SLC12A9: variants seen among roughly 807,000 people sequenced by gnomAD.
SLC12A9 encodes the protein CCC-interacting protein 1.
SLC12A9 carries 55 observed loss-of-function variants against 66.0 expected under a neutral mutation model. The ratio of observed to expected loss-of-function variants is 0.83; its 90% CI spans 0.67 to 1.04. The LOEUF (loss-of-function observed/expected upper bound fraction) is 1.04, where lower values mean the gene tolerates loss of function less well. SLC12A9 is among the 50% of genes least tolerant of loss of function. The probability of loss-of-function intolerance (pLI) is 0.00; values close to 1 mark genes in which losing one functional copy is unlikely to be tolerated. For missense variants in SLC12A9, 1,061 were observed against 1,241.9 expected (o/e 0.85, Z 2.19); for synonymous variants, 577 against 569.0 (o/e 1.01, Z -0.20).
chr7:100,836,386 C>T (rs1813660279), intron 1 of SLC12A9, among the ~76,000 whole-genome samples: 1 of 152,024 alleles, frequency 6.6e-6, no homozygotes, highest in African/African-American at 2.4e-5. Flanking sequence ...TAGGCCGGGC[C>T]CCAGAGGAGA....
At chr7:100,854,419 G>A in intron 2 of SLC12A9, 41 bp downstream of exon 2, 2 of 1,601,424 alleles carry the variant, frequency 1.2e-6, no homozygotes, top group Non-Finnish European at 1.7e-6. Context: ...ACTATAGTAT[G>A]GGAGGACATG....
rs529816537 is a variant in SLC12A9, at chr7:100,837,744, G to A, written n.228+10697G>A. On this transcript the variant is annotated intron_variant and non_coding_transcript_variant, in intron 1 of 1. Transcript: ENST00000461016. ...CAAGGTCATACCTCATTGCAGCCTC[G>A]AACTCTTGACCTCAAGTGATCCTCC... 9.2e-5 allele frequency among the ~76,000 whole-genome samples: 14 copies of A among 152,140 alleles called. 1 individual carries two copies. Among genetic ancestry groups the A allele is most frequent in the African/African-American group, 3.4e-4 (14 of 41,494 alleles).
upstream of SLC12A9, among the ~76,000 whole-genome samples, chr7:100,848,719 C>T (rs184529476): frequency 0.013 from 1,966 of 151,528 alleles, 25 homozygotes; most frequent in African/African-American, 0.029. Flanking sequence ...ACCCCGTCTC[C>T]ACTAAAAATA....
intron 1 of SLC12A9, among the ~76,000 whole-genome samples, chr7:100,833,101 T>A (rs1813574061): frequency 1.3e-5 from 2 of 152,256 alleles, no homozygotes; most frequent in Non-Finnish European, 1.5e-5. Flanking sequence ...ATTTTATTTT[T>A]ATTTTTTGTA....
chr7:100,828,892 T>A (rs900644174), intron 1 of SLC12A9, among the ~76,000 whole-genome samples: 1 of 151,686 alleles, frequency 6.6e-6, no homozygotes, highest in Non-Finnish European at 1.5e-5. Flanking sequence ...TATGGGTTAC[T>A]GGATAGATGG....
intron 1 of SLC12A9, among the ~76,000 whole-genome samples, chr7:100,843,404 T>TA (rs1303341277): frequency 6.6e-6 from 1 of 152,214 alleles, no homozygotes; most frequent in South Asian, 2.1e-4. Context: ...CTACATCTAT[T>TA]ACAACCAACA....
chr7:100,842,470 G>T (rs766109010), intron 1 of SLC12A9, among the ~76,000 whole-genome samples: 6 of 152,174 alleles, frequency 3.9e-5, no homozygotes, highest in Non-Finnish European at 8.8e-5. Context: ...AATCCAGGGA[G>T]ATTTCGATAA....
rs1814755635 is a variant in SLC12A9, at chr7:100,861,574, T to C, written c.1526T>C (p.Leu509Pro). ...TGGGGCTATGTCAGCCAGGCCTTGC[T>C]TTTCCACCAGGTATGGGGAGCTGGT... The part of the protein sequence containing the change: ...SSWGYVSQAL[L>P]FHQVRKYLLR... Residue 509 changes from leucine to proline, a missense_variant, in exon 11 of 14, where the codon CTT becomes CCT. Leu to Pro is a moderately conservative substitution (Grantham distance 98). Coordinates refer to ENST00000354161, the MANE Select transcript of SLC12A9 (RefSeq NM_020246.4). This position sits in a 1 kb window ranked among gnomAD's most constrained non-coding sequence, Gnocchi z 5.3. 2.5e-6 allele frequency: 4 copies of C among 1,613,250 alleles called. No individual in the cohort carries two copies. Among genetic ancestry groups the C allele is most frequent in the African/African-American group, 2.7e-5 (2 of 75,014 alleles).
exon 1 of SLC12A9, chr7:100,826,902 C>A: frequency 6.6e-7 from 1 of 1,507,628 alleles, no homozygotes; most frequent in Non-Finnish European, 8.9e-7. Flanking sequence ...AGGCCGGCCC[C>A]TCCACTCCGA....
At chr7:100,829,292 G>A (rs1440436774) in intron 1 of SLC12A9, among the ~76,000 whole-genome samples, 1 of 152,080 alleles carries the variant, frequency 6.6e-6, no homozygotes. Flanking sequence ...CCAGCCGGAG[G>A]ACAGAATCTT....
Position 100,861,793 on chromosome 7 carries a change from G to A in SLC12A9, c.1593G>A (p.Arg531=). 1.9e-6 allele frequency: 3 copies of A among 1,613,964 alleles called. No individual in the cohort carries two copies. The highest frequency in any genetic ancestry group is 2.5e-6 in the Non-Finnish European group (3 of 1,179,952). The change falls in exon 12 of 14, where the codon CGG becomes CGA. Residue 531 remains arginine (R), a synonymous_variant. Transcript: ENST00000354161. The surrounding 1 kb of genome is among the most constrained non-coding windows in gnomAD (Gnocchi z 5.3). Reference sequence around the variant, plus strand: ...GGAAGGATCACGTGAAGTTCTGGCGGCCCCAGCTGCTGCTCCTGGTGGGGA... The same window carrying A: ...GGAAGGATCACGTGAAGTTCTGGCGACCCCAGCTGCTGCTCCTGGTGGGGA... ...DVRKDHVKFW[R]PQLLLLVGNP... is the part of the protein sequence containing the mutation.
rs1354712539 is a variant in SLC12A9 at position 100,845,048 on chromosome 7, C to CA, written n.229-14830dup. Reference sequence around the variant, plus strand: ...CCCAGTTCCTGATGAATTCCTGGCACAAAAAAATCACCCTGATCACTTCTA... The same window carrying CA: ...CCCAGTTCCTGATGAATTCCTGGCACAAAAAAAATCACCCTGATCACTTCTA... On this transcript the variant is annotated intron_variant and non_coding_transcript_variant, in intron 1 of 1. Transcript: ENST00000461016. 7.9e-5 allele frequency among the ~76,000 whole-genome samples: 12 copies of CA among 151,580 alleles called. No individual in the cohort carries two copies. The Admixed American group carries it at 7.9e-4, about 10-fold the overall frequency.
chr7:100,857,228 G>A (rs771284600), intron 5 of SLC12A9, 52 bp downstream of exon 5: 16 of 1,562,276 alleles, frequency 1.0e-5, no homozygotes, highest in South Asian at 4.8e-5. Context: ...GTGGGCAGAC[G>A]TCGGGCCGGG....
intron 1 of SLC12A9, among the ~76,000 whole-genome samples, chr7:100,845,152 G>A (rs574271341): frequency 1.5e-4 from 22 of 151,572 alleles, no homozygotes; most frequent in African/African-American, 4.8e-4. Context: ...TAGGAAGACT[G>A]CATGGTGGAC....
intron 3 of SLC12A9, among the ~76,000 whole-genome samples, chr7:100,855,025 A>G (rs1814301018): frequency 6.6e-6 from 1 of 152,118 alleles, no homozygotes. Context: ...TTAGCTGGGC[A>G]TGATGGCACC....
chr7:100,866,393 C>A lies in SLC12A9; in HGVS notation c.2533C>A (p.Gln845Lys), dbSNP rs994911013. Residue 845 changes from glutamine (Q) to lysine (K), a missense_variant, in exon 14 of 14, where the codon CAG (glutamine) becomes AAG (lysine). Transcript: ENST00000354161. The surrounding 1 kb of genome is among the most constrained non-coding windows in gnomAD (Gnocchi z 7.3). ...RSANALVRAQ[Q>K]GRGTGGGPGG... is the part of the protein sequence containing the mutation. ...CGCCAACGCCCTGGTTCGGGCCCAGCAGGGGCGCGGCACAGGAGGAGGGCC... is the reference window on the plus strand; with the variant it reads ...CGCCAACGCCCTGGTTCGGGCCCAGAAGGGGCGCGGCACAGGAGGAGGGCC... The A allele has an allele frequency of 6.5e-7, 1 of 1,533,308 alleles. No individual in the cohort carries two copies. 95.0% of individuals were successfully genotyped at this position (1,533,308 alleles called of 1,614,324 possible). A position where few individuals can be genotyped will look rare whatever the true frequency, so the allele number is the denominator to read the frequency against.
rs753837910 is a variant in SLC12A9 at position 100,866,313 on chromosome 7, G to A, written c.2453G>A (p.Gly818Glu). The A allele has an allele frequency of 4.0e-6, 6 of 1,512,404 alleles. No homozygotes were observed. In the Admixed American group the frequency reaches 1.3e-4, roughly 32 times the overall value. The allele number at this position is 1,512,404 out of a possible 1,614,324, so 93.7% of individuals were successfully genotyped here. A position where few individuals can be genotyped will look rare whatever the true frequency, so the allele number is the denominator to read the frequency against. The change falls in exon 14 of 14, where the codon GGG (glycine) becomes GAG (glutamate). Residue 818 changes from glycine to glutamate, a missense_variant. Transcript: ENST00000354161. This position sits in a 1 kb window ranked among gnomAD's most constrained non-coding sequence, Gnocchi z 7.3. ...GAGEPEAEEEGDFVNSGRGDA... is the reference protein window; with the variant it reads ...GAGEPEAEEEEDFVNSGRGDA... ...GGGGAACCCGAGGCGGAGGAGGAAG[G>A]GGACTTTGTGAACAGTGGGCGGGGA...
Position 100,861,452 on chromosome 7 carries a change from C to T in SLC12A9, c.1404C>T (p.Leu468=). ...TCLLGVASCL[L]MMFLISPGAA... ...TGCTGGGGGTGGCCTCCTGCCTGCT[C>T]ATGATGTTCCTCATCAGTCCTGGCG... is the stretch of plus-strand genomic sequence containing the variant. Residue 468 remains leucine (L), a synonymous_variant, in exon 11 of 14, where the codon CTC becomes CTT. Coordinates refer to ENST00000354161, the MANE Select transcript of SLC12A9 (RefSeq NM_020246.4). This position sits in a 1 kb window ranked among gnomAD's most constrained non-coding sequence, Gnocchi z 5.3. The T allele has an allele frequency of 6.2e-7, 1 of 1,613,780 alleles. No homozygotes were observed. Among genetic ancestry groups the T allele is most frequent in the Non-Finnish European group, 8.5e-7 (1 of 1,180,024 alleles).
At chr7:100,829,185 G>A (rs1186995491) in intron 1 of SLC12A9, among the ~76,000 whole-genome samples, 2 of 151,990 alleles carry the variant, frequency 1.3e-5, no homozygotes, top group Admixed American at 6.6e-5. Flanking sequence ...ACAGGGTTTC[G>A]CCATGTTGGC....
Sources: allele counts gnomAD v4.1 joint callset (sites outside exome capture counted in the v4.1 genomes callset), GRCh38; gene constraint gnomAD v4.1.1; non-coding constraint Gnocchi (gnomAD v3.1); transcripts MANE v1.5; gene names NCBI Gene and HGNC (gene_info 2026-07-23, HGNC 2026-07-21).